The following DOT1L variants were observed in gnomAD, a reference collection of about 807,000 sequenced individuals.
DOT1L encodes DOT1 like histone lysine methyltransferase.
DOT1L carries 33 observed loss-of-function variants against 153.3 expected under a neutral mutation model. The observed-to-expected ratio is 0.22, with a 90% CI of 0.16 to 0.29. The LOEUF is 0.29. DOT1L is among the 10% of genes least tolerant of loss of function. The probability of loss-of-function intolerance (pLI) is 1.00; values close to 1 mark genes in which losing one functional copy is unlikely to be tolerated. For missense variants in DOT1L, 1,847 were observed against 2,119.9 expected, an observed-to-expected ratio of 0.87 and a Z score of 2.53; for synonymous variants, 1,135 against 965.1, an observed-to-expected ratio of 1.18 and a Z score of -3.26.
At position 2,220,876 on chromosome 19, in the gene DOT1L, G is replaced by C; in HGVS notation, c.2806+654G>C. ...TATGATGCGGCAGCTACTTTTTTAG[G>C]AGTAAAAAGTAAAATGTGGCCGGGC... On this transcript the variant is annotated intron_variant, in intron 23 of 27. Transcript: ENST00000398665. This position sits in a 1 kb window ranked among gnomAD's most constrained non-coding sequence, Gnocchi z 4.5. The C allele has an allele frequency of 3.6e-6, 1 of 278,366 alleles. No homozygotes were observed. Among genetic ancestry groups the C allele is most frequent in the East Asian group, 9.8e-5 (1 of 10,246 alleles). The allele number at this position is 278,366 out of a possible 1,614,324, so 17.2% of individuals were successfully genotyped here. A position where few individuals can be genotyped will look rare whatever the true frequency, so the allele number is the denominator to read the frequency against.
chr19:2,164,186 TG>T lies in DOT1L; in HGVS notation c.7del (p.Glu3?), dbSNP rs1268868586. Reference sequence around the variant, plus strand: ...GGTGCGGCGGCCGCGCGCGCGGACATGGGGGAGAAGCTGGAGCTGAGACTGA... The same window carrying T: ...GGTGCGGCGGCCGCGCGCGCGGACATGGGGAGAAGCTGGAGCTGAGACTGA... [M>X]GEKLELRLKS... On this transcript the variant is annotated frameshift_variant and start_lost, in exon 1 of 28. Transcript: ENST00000398665. LOFTEE classifies it high-confidence loss of function. 3 of 1,126,320 alleles carry T rather than the reference TG, an allele frequency of 2.7e-6. No individual in the cohort carries two copies. The highest frequency in any genetic ancestry group is 1.1e-6 in the Non-Finnish European group (1 of 919,956). 69.8% of individuals were successfully genotyped at this position (1,126,320 alleles called of 1,614,324 possible). A position where few individuals can be genotyped will look rare whatever the true frequency, so the allele number is the denominator to read the frequency against.
chr19:2,201,132 C>A (rs1377131160), intron 8 of DOT1L, among the ~76,000 whole-genome samples: 1 of 138,576 alleles, frequency 7.2e-6, no homozygotes, highest in African/African-American at 2.8e-5. Flanking sequence ...CATTCCTCGT[C>A]CTCCCCGCAT....
At position 2,204,107 on chromosome 19, in the gene DOT1L, G is replaced by T. The variant is rs2023398710; in HGVS notation, c.787+1328G>T. 6.6e-6 allele frequency among the ~76,000 whole-genome samples: 1 copy of T among 152,084 alleles called. No individual in the cohort carries two copies. Among genetic ancestry groups the T allele is most frequent in the Non-Finnish European group, 1.5e-5 (1 of 68,004 alleles). The stretch of plus-strand genomic sequence containing the variant: ...GGTGCTTGTGTGCCTGTGTCTGTGT[G>T]TGCGTGTCTGTGTCTCTGTGCATGC... On this transcript the variant is annotated intron_variant, in intron 9 of 27. Coordinates refer to ENST00000398665, the MANE Select transcript of DOT1L (RefSeq NM_032482.3). The surrounding 1 kb of genome is among the most constrained non-coding windows in gnomAD (Gnocchi z 5.7).
At chr19:2,199,834 G>GGGGGGGGGGGGGCC in intron 7 of DOT1L, 50 bp from the exon 8 acceptor site, 1 of 1,356,694 alleles carries the variant, frequency 7.4e-7, no homozygotes, top group Non-Finnish European at 9.9e-7. Flanking sequence ...GGCGGGCTGG[G>GGGGGGGGGGGGGCC]AGTGCCAGGG....
chr19:2,194,637 C>T, intron 7 of DOT1L, 60 bp downstream of exon 7: 2 of 1,352,170 alleles, frequency 1.5e-6, no homozygotes, highest in Non-Finnish European at 2.0e-6. Flanking sequence ...TCCCACCCTC[C>T]TGTCAGCCCC....
intron 1 of DOT1L, among the ~76,000 whole-genome samples, chr19:2,179,786 G>A (rs1439457363): frequency 2.0e-5 from 3 of 152,030 alleles, no homozygotes; most frequent in Non-Finnish European, 2.9e-5. Context: ...CAGCCTGGGC[G>A]ACAAACAAAC....
intron 6 of DOT1L, among the ~76,000 whole-genome samples, 155 bp from the exon 7 acceptor site, chr19:2,194,360 A>G (rs2022926459): frequency 6.6e-6 from 1 of 151,538 alleles, no homozygotes. Flanking sequence ...TTTAGTAGAG[A>G]CGGGGTTTCA....
Position 2,164,095 on chromosome 19 carries a change from TCCCTCCCGCCCGCCCTCCTCCG to T in DOT1L, c.-86_-65del. The T allele has an allele frequency of 9.7e-5, 1 of 10,358 alleles. No homozygotes were observed. Among genetic ancestry groups the T allele is most frequent in the Non-Finnish European group, 2.3e-4 (1 of 4,320 alleles). The allele number at this position is 10,358 out of a possible 1,614,324, so 0.6% of individuals were successfully genotyped here. On this transcript the variant is annotated 5_prime_UTR_variant, in exon 1 of 28. Coordinates refer to ENST00000398665, the MANE Select transcript of DOT1L (RefSeq NM_032482.3). ...CCCCCTCCCCTCAGCCTCCCGCCCC[TCCCTCCCGCCCGCCCTCCTCCG>T]CCCACCGGCGGCCCCGCCCCTCCCC...
At chr19:2,196,494 G>A (rs1227450438) in intron 7 of DOT1L, among the ~76,000 whole-genome samples, 2 of 152,154 alleles carry the variant, frequency 1.3e-5, no homozygotes, top group East Asian at 1.9e-4. Flanking sequence ...CACCACGCCC[G>A]GCTAATTTTT....
Position 2,222,568 on chromosome 19 carries a change from G to A in DOT1L, c.3390+9G>A, listed in dbSNP as rs2024163426. ...TCAACCTCAACTCCATGGTAAGGAT[G>A]GGGACCGGCAGGGCTGGGGAGCGCG... On this transcript the variant is annotated intron_variant, in intron 24 of 27. Coordinates refer to ENST00000398665, the MANE Select transcript of DOT1L (RefSeq NM_032482.3). The surrounding 1 kb of genome is among the most constrained non-coding windows in gnomAD (Gnocchi z 6.5). 1 of 1,532,950 alleles carries A rather than the reference G, an allele frequency of 6.5e-7. No individual in the cohort carries two copies. The highest frequency in any genetic ancestry group is 1.2e-5 in the South Asian group (1 of 82,262). The allele number at this position is 1,532,950 out of a possible 1,614,324, so 95.0% of individuals were successfully genotyped here.
chr19:2,209,942 C>A (rs1456509254), intron 12 of DOT1L, among the ~76,000 whole-genome samples: 2 of 152,142 alleles, frequency 1.3e-5, no homozygotes, highest in East Asian at 3.9e-4. Flanking sequence ...GTTCCCCTTC[C>A]CGTGGGTCGC....
intron 22 of DOT1L, among the ~76,000 whole-genome samples, chr19:2,218,681 C>T (rs951410133): frequency 1.3e-5 from 2 of 151,172 alleles, no homozygotes; most frequent in Admixed American, 6.6e-5. Flanking sequence ...GCGTGAGCCA[C>T]GACGTCTGGC....
chr19:2,167,201 A>G (rs2019955495), intron 1 of DOT1L, among the ~76,000 whole-genome samples: 1 of 152,096 alleles, frequency 6.6e-6, no homozygotes, highest in Non-Finnish European at 1.5e-5. Context: ...TCGCGTGGCG[A>G]GGTTCTCAGG....
At chr19:2,184,434 G>T (rs2022397392) in intron 2 of DOT1L, among the ~76,000 whole-genome samples, 1 of 152,068 alleles carries the variant, frequency 6.6e-6, no homozygotes, top group African/African-American at 2.4e-5. Context: ...TGGCCAGCTG[G>T]TTGGGGAGTC....
chr19:2,201,396 T>C (rs78835017), intron 8 of DOT1L, among the ~76,000 whole-genome samples: 11,912 of 137,768 alleles, frequency 0.086, 704 homozygotes, highest in African/African-American at 0.17. Flanking sequence ...TCCCCATGCC[T>C]CTCGTCCTCC....
At chr19:2,182,993 C>T (rs1036748790) in intron 2 of DOT1L, among the ~76,000 whole-genome samples, 1 of 152,168 alleles carries the variant, frequency 6.6e-6, no homozygotes, top group African/African-American at 2.4e-5. Flanking sequence ...GAAACTCGAA[C>T]CCCCACCACC....
intron 3 of DOT1L, among the ~76,000 whole-genome samples, chr19:2,186,519 A>G (rs1050118260): frequency 1.3e-5 from 2 of 152,132 alleles, no homozygotes; most frequent in African/African-American, 4.8e-5. Context: ...TCAACAGAGT[A>G]GTCCTCCATC....
rs377639105 is a variant in DOT1L at position 2,216,348 on chromosome 19, C to T, written c.1991C>T (p.Pro664Leu). ...QELLQLKSCV[P>L]PDDALSLHLR... is the part of the protein sequence containing the mutation. ...CTCCTGCAGCTCAAGTCCTGTGTGC[C>T]GCCTGACGACGCCCTGTCCCTGCAC... is the stretch of plus-strand genomic sequence containing the variant. Residue 664 changes from proline to leucine, a missense_variant, in exon 20 of 28, where the codon CCG becomes CTG. Pro to Leu is a moderately conservative substitution (Grantham distance 98, BLOSUM62 -3). Around this residue, in one of 8 missense-constraint regions of DOT1L, gnomAD observed 156 missense variants for 235.7 expected, o/e 0.66. Transcript: ENST00000398665. 2.4e-5 allele frequency: 38 copies of T among 1,608,620 alleles called. No individual in the cohort carries two copies. The highest frequency in any genetic ancestry group is 4.4e-5 in the South Asian group (4 of 90,860).
chr19:2,222,560 G>A lies in DOT1L; in HGVS notation c.3390+1G>A. The A allele has an allele frequency of 6.5e-7, 1 of 1,537,626 alleles. No individual in the cohort carries two copies. The highest frequency in any genetic ancestry group is 8.7e-7 in the Non-Finnish European group (1 of 1,146,096). ...GTCTCCCCTCAACCTCAACTCCATG[G>A]TAAGGATGGGGACCGGCAGGGCTGG... On this transcript the variant is annotated splice_donor_variant, in intron 24 of 27. Coordinates refer to ENST00000398665, the MANE Select transcript of DOT1L (RefSeq NM_032482.3). LOFTEE classifies it high-confidence loss of function. The surrounding 1 kb of genome is among the most constrained non-coding windows in gnomAD (Gnocchi z 6.5).
Sources: gnomAD v4.1 joint callset for allele counts (sites outside exome capture counted in the v4.1 genomes callset) on GRCh38, gnomAD v4.1.1 for gene constraint, gnomAD v4.1.1 regional missense constraint, Gnocchi (gnomAD v3.1) non-coding constraint, MANE v1.5 for transcripts, NCBI Gene and HGNC (gene_info 2026-07-23, HGNC 2026-07-21) for gene names.